Variants in ZNF207 observed in about 807,000 individuals in gnomAD.
ZNF207 encodes the protein zinc finger protein 207, also known as BUB3-interacting and GLEBS motif-containing protein ZNF207.
A neutral mutation model predicts 60.2 loss-of-function variants in ZNF207; 24 were observed. The ratio of observed to expected loss-of-function variants is 0.40; its 90% CI spans 0.29 to 0.56. The LOEUF (loss-of-function observed/expected upper bound fraction) is 0.56, where lower values mean the gene tolerates loss of function less well. Ranked by LOEUF, ZNF207 falls within the 20% of genes least tolerant of loss-of-function variation. The pLI is 0.49. For synonymous variants in ZNF207, 236 were observed against 194.7 expected, an observed-to-expected ratio of 1.21 and a Z score of -1.77; for missense variants, 452 against 636.6, an observed-to-expected ratio of 0.71 and a Z score of 3.12.
rs1905601524 is a variant in ZNF207 at position 32,374,383 on chromosome 17, A to G, written c.*4624A>G. 6.6e-6 allele frequency: 1 copy of G among 151,382 alleles called. No homozygotes were observed. The highest frequency in any genetic ancestry group is 6.6e-5 in the Admixed American group (1 of 15,192). The allele number at this position is 151,382 out of a possible 1,614,324, so 9.4% of individuals were successfully genotyped here. On this transcript the variant is annotated 3_prime_UTR_variant, in exon 12 of 12. Coordinates refer to ENST00000394670, the MANE Select transcript of ZNF207 (RefSeq NM_001098507.2). Reference sequence around the variant, plus strand: ...CAGGTGCTTGCCACCACACCCGGCTAATTTTTTGTATTTTTAGTAGAGACG... The same window carrying G: ...CAGGTGCTTGCCACCACACCCGGCTGATTTTTTGTATTTTTAGTAGAGACG...
At position 32,376,578 on chromosome 17, in the gene ZNF207, T is replaced by C. The variant is rs1905683042; in HGVS notation, c.*6819T>C. The C allele has an allele frequency of 6.6e-6, 1 of 151,920 alleles. No homozygotes were observed. The highest frequency in any genetic ancestry group is 1.5e-5 in the Non-Finnish European group (1 of 67,902). 9.4% of individuals were successfully genotyped at this position (151,920 alleles called of 1,614,324 possible). ...TTTTACTAAGCGGAAGTAGTAGTCA[T>C]ATTGAGGCAGAAATTTGTAGCCCAA... On this transcript the variant is annotated 3_prime_UTR_variant, in exon 12 of 12. Coordinates refer to ENST00000394670, the MANE Select transcript of ZNF207 (RefSeq NM_001098507.2).
chr17:32,369,939 C>A lies in ZNF207; in HGVS notation c.*180C>A. 1 of 707,518 alleles carries A rather than the reference C, an allele frequency of 1.4e-6. No homozygotes were observed. Among genetic ancestry groups the A allele is most frequent in the South Asian group, 7.0e-5 (1 of 14,314 alleles). The allele number at this position is 707,518 out of a possible 1,614,324, so 43.8% of individuals were successfully genotyped here. A position where few individuals can be genotyped will look rare whatever the true frequency, so the allele number is the denominator to read the frequency against. Reference sequence around the variant, plus strand: ...GGAAAAATTATTTGGAATAATAAAGCAGGAACTTTTCCTGAAGTTGCAATT... The same window carrying A: ...GGAAAAATTATTTGGAATAATAAAGAAGGAACTTTTCCTGAAGTTGCAATT... On this transcript the variant is annotated 3_prime_UTR_variant, in exon 12 of 12. Transcript: ENST00000394670.
intron 2 of ZNF207, among the ~76,000 whole-genome samples, chr17:32,355,645 G>T (rs1000358694): frequency 2.0e-5 from 3 of 152,162 alleles, no homozygotes; most frequent in South Asian, 2.1e-4. Context: ...GATGTCCTTT[G>T]TAAGGACTGT....
rs1054225299 is a variant in ZNF207 at position 32,369,763 on chromosome 17, T to A, written c.*4T>A. ...GTCGCAAGGTGGCCGTTACTGATCT[T>A]ACTTCATCCAGTCTAATAGGTTTGG... On this transcript the variant is annotated 3_prime_UTR_variant, in exon 12 of 12. Transcript: ENST00000394670. 12 of 1,517,972 alleles carry A rather than the reference T, an allele frequency of 7.9e-6. No homozygotes were observed. The highest frequency in any genetic ancestry group is 1.1e-5 in the Non-Finnish European group (12 of 1,134,026). 94.0% of individuals were successfully genotyped at this position (1,517,972 alleles called of 1,614,324 possible). A position where few individuals can be genotyped will look rare whatever the true frequency, so the allele number is the denominator to read the frequency against.
intron 1 of ZNF207, chr17:32,351,567 T>G (rs2041508052): frequency 3.9e-6 from 6 of 1,533,064 alleles, no homozygotes; most frequent in African/African-American, 1.4e-5. Context: ...TGAGATGTGT[T>G]TTTTGGGGTG....
chr17:32,374,923 T>G lies in ZNF207; in HGVS notation c.*5164T>G, dbSNP rs1905626623. ...CATTTGTTTCCAACTAAAATTTGCT[T>G]TTATTTGGTGAGAAAAGTTGTGTGC... On this transcript the variant is annotated 3_prime_UTR_variant, in exon 12 of 12. Transcript: ENST00000394670. 1 of 152,212 alleles carries G rather than the reference T, an allele frequency of 6.6e-6. No homozygotes were observed. Among genetic ancestry groups the G allele is most frequent in the Admixed American group, 6.5e-5 (1 of 15,282 alleles). The allele number at this position is 152,212 out of a possible 1,614,324, so 9.4% of individuals were successfully genotyped here.
In ZNF207 at chr17:32,379,533, A is replaced by G. The variant is rs1041077480; in HGVS notation, c.*9774A>G. The G allele has an allele frequency of 1.3e-5, 2 of 152,086 alleles. No individual in the cohort carries two copies. The highest frequency in any genetic ancestry group is 4.8e-5 in the African/African-American group (2 of 41,430). 9.4% of individuals were successfully genotyped at this position (152,086 alleles called of 1,614,324 possible). A position where few individuals can be genotyped will look rare whatever the true frequency, so the allele number is the denominator to read the frequency against. On this transcript the variant is annotated 3_prime_UTR_variant, in exon 12 of 12. Coordinates refer to ENST00000394670, the MANE Select transcript of ZNF207 (RefSeq NM_001098507.2). ...ATTTTTTTTAGTTGGCAGCCAAAAG[A>G]TTTTTCTTAGTGCTTTGGAGACATT...
intron 2 of ZNF207, among the ~76,000 whole-genome samples, chr17:32,355,089 T>G (rs913284592): frequency 6.6e-6 from 1 of 152,206 alleles, no homozygotes; most frequent in Non-Finnish European, 1.5e-5. Flanking sequence ...AAGGGTGGTC[T>G]CAAGATGTTG....
chr17:32,360,377 G>A (rs979664679), intron 3 of ZNF207, among the ~76,000 whole-genome samples: 3 of 151,870 alleles, frequency 2.0e-5, no homozygotes, highest in African/African-American at 7.3e-5. Context: ...TACTGATTTA[G>A]GATAATCATT....
At chr17:32,352,709 T>C (rs567015595) in intron 2 of ZNF207, among the ~76,000 whole-genome samples, 1 of 152,326 alleles carries the variant, frequency 6.6e-6, no homozygotes, top group Non-Finnish European at 1.5e-5. Context: ...TTTGCTTTTG[T>C]TTTTAAGAGA....
At chr17:32,350,499 G>T (rs1014398135) in intron 1 of ZNF207, 173 bp downstream of exon 1, 1 of 778,154 alleles carries the variant, frequency 1.3e-6, no homozygotes, top group Non-Finnish European at 2.1e-6. Context: ...ATGGGGTTCC[G>T]AGGTCGACAG....
Position 32,378,978 on chromosome 17 carries a change from T to C in ZNF207, c.*9219T>C, listed in dbSNP as rs565358106. ...AATTCCTCTTGAGCTGGATGGTGATTAGCCATTGTGAAAACAGATTATATG... is the reference window on the plus strand; with the variant it reads ...AATTCCTCTTGAGCTGGATGGTGATCAGCCATTGTGAAAACAGATTATATG... On this transcript the variant is annotated 3_prime_UTR_variant, in exon 12 of 12. Coordinates refer to ENST00000394670, the MANE Select transcript of ZNF207 (RefSeq NM_001098507.2). 1 of 152,206 alleles carries C rather than the reference T, an allele frequency of 6.6e-6. No homozygotes were observed. Among genetic ancestry groups the C allele is most frequent in the African/African-American group, 2.4e-5 (1 of 41,574 alleles). The allele number at this position is 152,206 out of a possible 1,614,324, so 9.4% of individuals were successfully genotyped here.
At chr17:32,363,359 A>T (rs2150797402) in intron 7 of ZNF207, among the ~76,000 whole-genome samples, 1 of 152,128 alleles carries the variant, frequency 6.6e-6, no homozygotes, top group South Asian at 2.1e-4. Flanking sequence ...AAGTGCTGGG[A>T]TTACAGGTGT....
intron 2 of ZNF207, among the ~76,000 whole-genome samples, chr17:32,353,050 T>C (rs1665144700): frequency 6.6e-6 from 1 of 152,186 alleles, no homozygotes; most frequent in Non-Finnish European, 1.5e-5. Flanking sequence ...GGCATGGGCC[T>C]GTAATCCTGG....
chr17:32,360,184 C>G (rs1272790792), intron 3 of ZNF207, among the ~76,000 whole-genome samples: 6 of 112,994 alleles, frequency 5.3e-5, no homozygotes, highest in Admixed American at 3.4e-4. Flanking sequence ...TTACCCCCCC[C>G]CCAAAAAAAA....
In ZNF207 at chr17:32,373,105, C is replaced by T. The variant is rs1567830440; in HGVS notation, c.*3346C>T. On this transcript the variant is annotated 3_prime_UTR_variant, in exon 12 of 12. Coordinates refer to ENST00000394670, the MANE Select transcript of ZNF207 (RefSeq NM_001098507.2). ...TGAATACTTAGTATTTTAGTAGTGT[C>T]TCACACATTTGCCATTAGGTATGAA... 1 of 273,468 alleles carries T rather than the reference C, an allele frequency of 3.7e-6. No homozygotes were observed. Among genetic ancestry groups the T allele is most frequent in the Non-Finnish European group, 6.8e-6 (1 of 147,116 alleles). 16.9% of individuals were successfully genotyped at this position (273,468 alleles called of 1,614,324 possible).
In ZNF207 at chr17:32,381,002, A is replaced by T. The variant is rs550306070; in HGVS notation, c.*11243A>T. On this transcript the variant is annotated 3_prime_UTR_variant, in exon 12 of 12. Coordinates refer to ENST00000394670, the MANE Select transcript of ZNF207 (RefSeq NM_001098507.2). ...AAAAAGTGATAAGATTTGGGAGTCT[A>T]TTCCCTGGGATGTTCTATTAATAAT... The T allele has an allele frequency of 6.6e-6, 1 of 152,184 alleles. No homozygotes were observed. Among genetic ancestry groups the T allele is most frequent in the African/African-American group, 2.4e-5 (1 of 41,440 alleles). The allele number at this position is 152,184 out of a possible 1,614,324, so 9.4% of individuals were successfully genotyped here.
chr17:32,369,703 C>T lies in ZNF207; in HGVS notation c.1429C>T (p.Pro477Ser), dbSNP rs1300054040. ...PMVPPYQGGP[P>S]RPPMGMRPPV... ...GGTGCCCCCTTACCAGGGTGGGCCT[C>T]CTCGACCTCCGATGGGAATGAGACC... The change falls in exon 12 of 12, where the codon CCT becomes TCT. Residue 477 changes from proline (P) to serine (S), a missense_variant. Physicochemically the swap from Pro to Ser is moderately conservative, Grantham distance 74. Coordinates refer to ENST00000394670, the MANE Select transcript of ZNF207 (RefSeq NM_001098507.2). 8 of 1,593,112 alleles carry T rather than the reference C, an allele frequency of 5.0e-6. No individual in the cohort carries two copies. Among genetic ancestry groups the T allele is most frequent in the Admixed American group, 1.8e-5 (1 of 55,600 alleles).
In ZNF207 at chr17:32,377,652, CCT is replaced by C. The variant is rs1314193771; in HGVS notation, c.*7894_*7895del. 3 of 151,714 alleles carry C rather than the reference CCT, an allele frequency of 2.0e-5. No homozygotes were observed. In the East Asian group the frequency reaches 5.8e-4, roughly 29 times the overall value. 9.4% of individuals were successfully genotyped at this position (151,714 alleles called of 1,614,324 possible). On this transcript the variant is annotated 3_prime_UTR_variant, in exon 12 of 12. Transcript: ENST00000394670. ...ACATGTTTAAGATATATGCCCATCC[CCT>C]TTTTAGAGTAATCAAAATTTCTATC...
Sources: allele counts gnomAD v4.1 joint callset (sites outside exome capture counted in the v4.1 genomes callset), GRCh38; gene constraint gnomAD v4.1.1; transcripts MANE v1.5; gene names NCBI Gene and HGNC (gene_info 2026-07-23, HGNC 2026-07-21).